The following MBD5 variants were observed in gnomAD, a reference collection of about 807,000 sequenced individuals.
MBD5 encodes methyl-CpG binding domain protein 5, also known as methyl-CpG-binding domain protein 5.
MBD5 carries 13 observed loss-of-function variants against 117.3 expected under a neutral mutation model. The observed-to-expected ratio is 0.11, with a 90% CI of 0.07 to 0.18. The LOEUF (loss-of-function observed/expected upper bound fraction) is 0.18. MBD5 is among the 10% of genes least tolerant of loss of function. MBD5 has a pLI of 1.00. For missense variants in MBD5, 1,879 were observed against 2,093.8 expected, an observed-to-expected ratio of 0.90 and a Z score of 2.00; for synonymous variants, 727 against 766.4, an observed-to-expected ratio of 0.95 and a Z score of 0.85.
At chr2:148,102,761 GGA>G (rs371487044) in intron 1 of MBD5, among the ~76,000 whole-genome samples, 52,520 of 121,254 alleles carry the variant, frequency 0.43, 9,972 homozygotes, top group South Asian at 0.55. Flanking sequence ...GAGAGAGAGA[GGA>G]AGAGAGAGAG....
Position 148,468,419 on chromosome 2 carries a change from C to T in MBD5, c.476C>T (p.Ser159Phe), listed in dbSNP as rs780774076. The T allele has an allele frequency of 5.6e-6, 9 of 1,613,406 alleles. No individual in the cohort carries two copies. The African/African-American group carries it at 1.1e-4, about 19-fold the overall frequency. The change falls in exon 8 of 14, where the codon TCT becomes TTT. Residue 159 changes from serine to phenylalanine, a missense_variant. Physicochemically the swap from Ser to Phe is radical, Grantham distance 155 (BLOSUM62 -2). Transcript: ENST00000642680. ...RNKSHEGITN[S>F]VMPECKNPFK... ...AAGTCTCATGAAGGAATTACAAATT[C>T]TGTAATGCCTGAATGTAAGAATCCT...
intron 1 of MBD5, among the ~76,000 whole-genome samples, chr2:148,166,986 T>C (rs559426183): frequency 6.6e-6 from 1 of 152,198 alleles, no homozygotes; most frequent in Admixed American, 6.5e-5. Context: ...ATTTTTAAAG[T>C]CACATAGGCT....
In MBD5 at chr2:148,484,130, T is replaced by G; in HGVS notation, c.3539T>G (p.Leu1180Arg). The G allele has an allele frequency of 7.0e-7, 1 of 1,434,928 alleles. No individual in the cohort carries two copies. Among genetic ancestry groups the G allele is most frequent in the Non-Finnish European group, 9.2e-7 (1 of 1,092,352 alleles). The allele number at this position is 1,434,928 out of a possible 1,614,324, so 88.9% of individuals were successfully genotyped here. A position where few individuals can be genotyped will look rare whatever the true frequency, so the allele number is the denominator to read the frequency against. The stretch of plus-strand genomic sequence containing the variant: ...CTTAACCCTCTACTGGGGACAGGTC[T>G]ACTTGGTAAGTTAAATTTTTTCACA... ...QLLNPLLGTG[L>R]LGDMSSINNT... The change falls in exon 9 of 14, where the codon CTA becomes CGA. Residue 1180 changes from leucine to arginine, a missense_variant. Transcript: ENST00000642680.
At chr2:148,512,561 G>A (rs1053442396) in intron 13 of MBD5, among the ~76,000 whole-genome samples, 2 of 152,142 alleles carry the variant, frequency 1.3e-5, no homozygotes, top group Non-Finnish European at 2.9e-5. Flanking sequence ...ATGGACAATG[G>A]GGGTAACAAC....
chr2:148,120,441 A>G (rs573230170), intron 1 of MBD5, among the ~76,000 whole-genome samples: 1 of 152,224 alleles, frequency 6.6e-6, no homozygotes, highest in South Asian at 2.1e-4. Context: ...ATGTCTTTTC[A>G]TTTATTTAGG....
rs1574485944 is a variant in MBD5 at position 148,490,516 on chromosome 2, A to G, written c.4884A>G (p.Gly1628=). 6.2e-7 allele frequency: 1 copy of G among 1,614,174 alleles called. No homozygotes were observed. Among genetic ancestry groups the G allele is most frequent in the Non-Finnish European group, 8.5e-7 (1 of 1,180,024 alleles). The change falls in exon 11 of 14, where the codon GGA becomes GGG. Residue 1628 remains glycine, a synonymous_variant. Transcript: ENST00000642680. Reference sequence around the variant, plus strand: ...ACTTGGTCTGGGGCCAAATCAAAGGACTGACTTCCTGGCCTGGAAAATTAG... The same window carrying G: ...ACTTGGTCTGGGGCCAAATCAAAGGGCTGACTTCCTGGCCTGGAAAATTAG... ...VGDLVWGQIK[G]LTSWPGKLVR... is the part of the protein sequence containing the mutation.
intron 1 of MBD5, among the ~76,000 whole-genome samples, chr2:148,048,773 CTG>C (rs1300920338): frequency 1.3e-5 from 2 of 152,104 alleles, no homozygotes; most frequent in African/African-American, 2.4e-5. Flanking sequence ...AGGGGAAACT[CTG>C]TGGTTGAAAA....
At chr2:148,114,766 T>G (rs1696589006) in intron 1 of MBD5, among the ~76,000 whole-genome samples, 2 of 152,178 alleles carry the variant, frequency 1.3e-5, no homozygotes, top group African/African-American at 4.8e-5. Flanking sequence ...GCACAGGATA[T>G]TTTACCAATA....
At chr2:148,027,915 T>G (rs1693943537) in intron 1 of MBD5, 1 of 152,098 alleles carries the variant, frequency 6.6e-6, no homozygotes, top group Admixed American at 6.5e-5. Flanking sequence ...AATAATTTCT[T>G]TAAACAACCC....
chr2:148,081,735 G>C (rs1406884498), intron 1 of MBD5, among the ~76,000 whole-genome samples: 1 of 152,078 alleles, frequency 6.6e-6, no homozygotes, highest in African/African-American at 2.4e-5. Context: ...AGGCTTCCTG[G>C]ATGGCTCTGT....
chr2:148,042,197 A>G (rs1440893961), intron 1 of MBD5, among the ~76,000 whole-genome samples: 2 of 152,192 alleles, frequency 1.3e-5, no homozygotes, highest in Non-Finnish European at 2.9e-5. Context: ...CTTTTATAAG[A>G]ATCTATGTGG....
chr2:148,329,707 C>G (rs952359383), intron 3 of MBD5, among the ~76,000 whole-genome samples: 2 of 152,034 alleles, frequency 1.3e-5, no homozygotes, highest in Non-Finnish European at 2.9e-5. Context: ...AGAGGCATAA[C>G]CTGGAATGAT....
chr2:148,477,423 G>A (rs745930878), intron 8 of MBD5, among the ~76,000 whole-genome samples: 30 of 151,978 alleles, frequency 2.0e-4, no homozygotes, highest in Non-Finnish European at 2.9e-4. Flanking sequence ...CTAAGATTTC[G>A]TTTCTATTGC....
chr2:148,234,872 A>G (rs1246028762), intron 3 of MBD5, among the ~76,000 whole-genome samples: 1 of 152,138 alleles, frequency 6.6e-6, no homozygotes, highest in African/African-American at 2.4e-5. Context: ...TTAGTTTGGT[A>G]TAATCCACTT....
At chr2:148,288,961 G>T (rs1299438337) in intron 3 of MBD5, among the ~76,000 whole-genome samples, 6 of 151,978 alleles carry the variant, frequency 3.9e-5, no homozygotes, top group Non-Finnish European at 7.4e-5. Flanking sequence ...ATTTCCAGAG[G>T]CTTCATTTTT....
Position 148,127,036 on chromosome 2 carries a change from C to A in MBD5, c.-924-51664C>A, listed in dbSNP as rs556956201. Reference sequence around the variant, plus strand: ...CTGTCTCCCAGGCTGGAGTGCGTGGCGCGATCTCGGCTCACTGCAAGCTCC... The same window carrying A: ...CTGTCTCCCAGGCTGGAGTGCGTGGAGCGATCTCGGCTCACTGCAAGCTCC... On this transcript the variant is annotated intron_variant, in intron 1 of 13. Transcript: ENST00000642680. 4.8e-5 allele frequency among the ~76,000 whole-genome samples: 7 copies of A among 146,190 alleles called. No individual in the cohort carries two copies. In the South Asian group the frequency reaches 1.5e-3, roughly 32 times the overall value.
chr2:148,163,381 T>C (rs1023147093), intron 1 of MBD5, among the ~76,000 whole-genome samples: 20 of 152,232 alleles, frequency 1.3e-4, no homozygotes, highest in African/African-American at 1.9e-4. Context: ...AATTTGCGGA[T>C]GATCAGAGCA....
chr2:148,489,367 T>C lies in MBD5; in HGVS notation c.3754-19T>C. 6.2e-7 allele frequency: 1 copy of C among 1,614,100 alleles called. No homozygotes were observed. The highest frequency in any genetic ancestry group is 8.5e-7 in the Non-Finnish European group (1 of 1,180,010). On this transcript the variant is annotated intron_variant, in intron 10 of 13. Transcript: ENST00000642680. Reference sequence around the variant, plus strand: ...AATTATTTCCCTTTCTCTCACTGCTTCCTGTCTATTTCTTCAAGGTGAGAA... The same window carrying C: ...AATTATTTCCCTTTCTCTCACTGCTCCCTGTCTATTTCTTCAAGGTGAGAA...
chr2:148,478,439 C>T (rs762552062), intron 8 of MBD5, among the ~76,000 whole-genome samples: 23 of 152,050 alleles, frequency 1.5e-4, no homozygotes, highest in African/African-American at 2.4e-4. Flanking sequence ...AAAAGTTAGC[C>T]GGGCGTGCCT....
Sources: gnomAD v4.1 joint callset for allele counts (sites outside exome capture counted in the v4.1 genomes callset) on GRCh38, gnomAD v4.1.1 for gene constraint, MANE v1.5 for transcripts, NCBI Gene and HGNC (gene_info 2026-07-23, HGNC 2026-07-21) for gene names.